The following ARHGAP44 variants were observed in gnomAD, a reference collection of about 807,000 sequenced individuals.
ARHGAP44 encodes rho GTPase-activating protein 44.
A neutral mutation model predicts 106.8 loss-of-function variants in ARHGAP44; 43 were observed. That is an observed-to-expected ratio of 0.40 (90% CI 0.32 to 0.52). The LOEUF (loss-of-function observed/expected upper bound fraction) is 0.52, where lower values mean the gene tolerates loss of function less well. Among genes scored for constraint, ARHGAP44 ranks in the 20% least tolerant of loss-of-function variants. ARHGAP44 has a pLI of 0.48. For missense variants in ARHGAP44, 866 were observed against 1,050.5 expected (o/e 0.82, Z 2.43); for synonymous variants, 439 against 410.3 (o/e 1.07, Z -0.85).
chr17:12,804,494 AAGG>A (rs1230572462), intron 1 of ARHGAP44, among the ~76,000 whole-genome samples: 1 of 152,292 alleles, frequency 6.6e-6, no homozygotes, highest in South Asian at 2.1e-4. Flanking sequence ...CATGGGAAGG[AAGG>A]AGGAGGAAAG....
chr17:12,898,652 A>T (rs1167481000), intron 3 of ARHGAP44, among the ~76,000 whole-genome samples: 2 of 152,210 alleles, frequency 1.3e-5, no homozygotes, highest in East Asian at 3.9e-4. Flanking sequence ...ACATAACCAT[A>T]TCACAGGCAG....
At chr17:12,839,856 A>G (rs1215183593) in intron 1 of ARHGAP44, among the ~76,000 whole-genome samples, 2 of 152,216 alleles carry the variant, frequency 1.3e-5, no homozygotes, top group Admixed American at 6.5e-5. Flanking sequence ...AAACAAGTCA[A>G]GCACTGATAC....
chr17:12,989,118 A>AC (rs1285722112), intron 20 of ARHGAP44, among the ~76,000 whole-genome samples: 1 of 147,906 alleles, frequency 6.8e-6, no homozygotes, highest in African/African-American at 2.5e-5. Flanking sequence ...AAAAAAAAAA[A>AC]AAAAAAACTA....
Position 12,949,171 on chromosome 17 carries a change from A to G in ARHGAP44, c.893A>G (p.Lys298Arg), listed in dbSNP as rs192798340. 1.6e-5 allele frequency: 26 copies of G among 1,580,918 alleles called. No homozygotes were observed. In the East Asian group the frequency reaches 5.4e-4, roughly 33 times the overall value. The change falls in exon 11 of 21, where the codon AAA becomes AGA. Residue 298 changes from lysine (K) to arginine (R), a missense_variant. Physicochemically the swap from Lys to Arg is conservative, Grantham distance 26. Coordinates refer to ENST00000379672, the MANE Select transcript of ARHGAP44 (RefSeq NM_014859.6). The surrounding 1 kb of genome is among the most constrained non-coding windows in gnomAD (Gnocchi z 4.1). ...GLFRVAPSAS[K>R]LKKLKAALDC... ...TTCCGAGTAGCCCCCTCTGCCTCCA[A>G]ACTGAAGAAGCTGAAAGCGGCCCTG...
chr17:12,799,263 C>T (rs964459485), intron 1 of ARHGAP44, among the ~76,000 whole-genome samples: 3 of 152,134 alleles, frequency 2.0e-5, no homozygotes, highest in African/African-American at 7.2e-5. Context: ...AGGTTAAGCT[C>T]TGCTGTGATA....
At chr17:12,917,264 G>T (rs528713930) in intron 5 of ARHGAP44, 31 of 154,708 alleles carry the variant, frequency 2.0e-4, no homozygotes, top group African/African-American at 7.0e-4. Context: ...AATCACAGAG[G>T]GGGAGAGGTC....
At chr17:12,842,293 T>C (rs1243189070) in intron 1 of ARHGAP44, among the ~76,000 whole-genome samples, 2 of 151,676 alleles carry the variant, frequency 1.3e-5, no homozygotes, top group Non-Finnish European at 2.9e-5. Context: ...GGCACACACC[T>C]GTAGTCCTAG....
At chr17:12,875,397 C>T (rs929248459) in intron 1 of ARHGAP44, among the ~76,000 whole-genome samples, 1 of 151,854 alleles carries the variant, frequency 6.6e-6, no homozygotes, top group South Asian at 2.1e-4. Context: ...AATTTGAGAC[C>T]AGCCTGGACA....
intron 1 of ARHGAP44, among the ~76,000 whole-genome samples, chr17:12,849,084 T>C (rs2035659098): frequency 6.6e-6 from 1 of 151,802 alleles, no homozygotes; most frequent in African/African-American, 2.4e-5. Flanking sequence ...ATTCTAGCAT[T>C]CAGATCCTAG....
chr17:12,812,194 A>G (rs1018026765), intron 1 of ARHGAP44, among the ~76,000 whole-genome samples: 6 of 152,208 alleles, frequency 3.9e-5, no homozygotes, highest in Admixed American at 6.5e-5. Flanking sequence ...AAGATTTATA[A>G]ACACACTGCT....
intron 1 of ARHGAP44, among the ~76,000 whole-genome samples, chr17:12,809,971 G>A (rs1005977356): frequency 6.6e-6 from 1 of 152,168 alleles, no homozygotes; most frequent in Admixed American, 6.5e-5. Context: ...CTGGAGCCTG[G>A]GAGGGAGATC....
intron 1 of ARHGAP44, among the ~76,000 whole-genome samples, chr17:12,822,217 G>A (rs910258881): frequency 6.6e-6 from 1 of 152,210 alleles, no homozygotes; most frequent in Non-Finnish European, 1.5e-5. Context: ...ATATATAAAT[G>A]ACTGAGCATT....
chr17:12,824,002 C>A (rs544456719), intron 1 of ARHGAP44, among the ~76,000 whole-genome samples: 1 of 152,188 alleles, frequency 6.6e-6, no homozygotes, highest in Non-Finnish European at 1.5e-5. Flanking sequence ...ATCACTTTTT[C>A]TTGAACTGCC....
At chr17:12,931,847 C>CAA (rs2038412029) in intron 7 of ARHGAP44, among the ~76,000 whole-genome samples, 2 of 65,346 alleles carry the variant, frequency 3.1e-5, no homozygotes, top group South Asian at 8.9e-4. Context: ...GGGATACACA[C>CAA]ACACACACAC....
intron 3 of ARHGAP44, among the ~76,000 whole-genome samples, chr17:12,903,571 A>C (rs2037458750): frequency 6.6e-6 from 1 of 152,130 alleles, no homozygotes; most frequent in Non-Finnish European, 1.5e-5. Flanking sequence ...TAATTCTTCT[A>C]AGACTGGATA....
rs1053224269 is a variant in ARHGAP44 at position 12,801,941 on chromosome 17, T to C, written c.53+12050T>C. ...TCAAAGTAGACAACTGTAGTCAGAA[T>C]TTCTTAGAATGGTATTTTATTTTAA... On this transcript the variant is annotated intron_variant, in intron 1 of 20. Coordinates refer to ENST00000379672, the MANE Select transcript of ARHGAP44 (RefSeq NM_014859.6). Among the ~76,000 whole-genome samples, 4 of 152,172 alleles carry C rather than the reference T, an allele frequency of 2.6e-5. No individual in the cohort carries two copies. In the East Asian group the frequency reaches 5.8e-4, roughly 22 times the overall value.
intron 1 of ARHGAP44, among the ~76,000 whole-genome samples, chr17:12,869,829 GC>G (rs2036355323): frequency 1.3e-5 from 2 of 151,604 alleles, no homozygotes; most frequent in Non-Finnish European, 2.9e-5. Context: ...TTTATAGCCT[GC>G]CCTTTCACAC....
At chr17:12,841,869 C>T (rs928697862) in intron 1 of ARHGAP44, among the ~76,000 whole-genome samples, 25 of 152,070 alleles carry the variant, frequency 1.6e-4, no homozygotes, top group African/African-American at 5.8e-4. Flanking sequence ...AAAAATTGTT[C>T]GGGGTTTGCA....
chr17:12,852,103 G>A (rs1035649056), intron 1 of ARHGAP44, among the ~76,000 whole-genome samples: 14 of 149,032 alleles, frequency 9.4e-5, no homozygotes, highest in African/African-American at 3.2e-4. Context: ...TGCAAAGCTT[G>A]CCTGCAAGGC....
Sources: gnomAD v4.1 joint callset for allele counts (sites outside exome capture counted in the v4.1 genomes callset) on GRCh38, gnomAD v4.1.1 for gene constraint, Gnocchi (gnomAD v3.1) non-coding constraint, MANE v1.5 for transcripts, NCBI Gene and HGNC (gene_info 2026-07-23, HGNC 2026-07-21) for gene names.